DCLK1: variants seen among roughly 807,000 people sequenced by gnomAD.
DCLK1 encodes the protein serine/threonine-protein kinase DCLK1.
A neutral mutation model predicts 86.2 loss-of-function variants in DCLK1; 16 were observed. The ratio of observed to expected loss-of-function variants is 0.19; its 90% confidence interval spans 0.13 to 0.28. The LOEUF is 0.28. Among genes scored for constraint, DCLK1 ranks in the 10% least tolerant of loss-of-function variants. The pLI, the probability that DCLK1 is intolerant of heterozygous loss-of-function variation, is 1.00. For synonymous variants in DCLK1, 369 were observed against 370.5 expected (o/e 1.00, Z 0.05); for missense variants, 590 against 940.2 (o/e 0.63, Z 4.87).
chr13:35,803,105 A>AAAC (rs1293923356), intron 15 of DCLK1, among the ~76,000 whole-genome samples: 3 of 152,198 alleles, frequency 2.0e-5, no homozygotes, highest in Non-Finnish European at 4.4e-5. Flanking sequence ...TGGGACTTTA[A>AAAC]AACACCTGGG....
At chr13:35,817,882 T>C (rs1724220069) in intron 11 of DCLK1, among the ~76,000 whole-genome samples, 2 of 152,230 alleles carry the variant, frequency 1.3e-5, no homozygotes, top group Admixed American at 1.3e-4. Flanking sequence ...ATTCCATTAC[T>C]GTTTCTGAAA....
Position 35,774,472 on chromosome 13 carries a change from T to C in DCLK1, c.*63A>G, listed in dbSNP as rs950937477. The C allele has an allele frequency of 2.1e-5, 32 of 1,535,296 alleles. No individual in the cohort carries two copies. In the Admixed American group the frequency reaches 5.5e-4, roughly 26 times the overall value. On this transcript the variant is annotated 3_prime_UTR_variant, in exon 17 of 17. Transcript: ENST00000360631. ...TCAGATGAAACTGTTTTACACAAATTTGGGGGAAAAAAATCTCAGAGTCTC... is the reference window on the plus strand; with the variant it reads ...TCAGATGAAACTGTTTTACACAAATCTGGGGGAAAAAAATCTCAGAGTCTC...
chr13:35,788,372 T>A, intron 16 of DCLK1: 4 of 1,170,802 alleles, frequency 3.4e-6, no homozygotes, highest in Non-Finnish European at 5.1e-6. Context: ...TCATTGATTC[T>A]ATATGTATAT....
At chr13:35,853,417 GAAGA>G (rs1870800023) in intron 6 of DCLK1, among the ~76,000 whole-genome samples, 1 of 152,152 alleles carries the variant, frequency 6.6e-6, no homozygotes, top group African/African-American at 2.4e-5. Context: ...GTGAATCAGT[GAAGA>G]AAGATAACCA....
At chr13:36,125,054 G>A (rs954035594) in intron 2 of DCLK1, among the ~76,000 whole-genome samples, 7 of 152,186 alleles carry the variant, frequency 4.6e-5, no homozygotes, top group East Asian at 1.9e-4. Flanking sequence ...TGCATCCGTG[G>A]ACGCAAACAG....
intron 15 of DCLK1, among the ~76,000 whole-genome samples, chr13:35,800,740 CAG>C (rs757865199): frequency 2.6e-5 from 4 of 152,000 alleles, no homozygotes; most frequent in Non-Finnish European, 4.4e-5. Flanking sequence ...TTTTTTGAGA[CAG>C]AGTCTCCCTC....
At chr13:35,802,875 C>T (rs1044365842) in intron 15 of DCLK1, among the ~76,000 whole-genome samples, 4 of 152,158 alleles carry the variant, frequency 2.6e-5, no homozygotes, top group Non-Finnish European at 5.9e-5. Flanking sequence ...CAGTCAGAAC[C>T]AACCACTGCC....
chr13:36,001,394 A>G (rs887958113), intron 3 of DCLK1, among the ~76,000 whole-genome samples: 4 of 152,170 alleles, frequency 2.6e-5, no homozygotes, highest in African/African-American at 7.2e-5. Context: ...CCAGCTGCCT[A>G]TGGGTTCCAG....
intron 16 of DCLK1, among the ~76,000 whole-genome samples, chr13:35,775,430 T>C (rs2086407666): frequency 6.6e-6 from 1 of 152,214 alleles, no homozygotes; most frequent in Non-Finnish European, 1.5e-5. Context: ...CCAGTCTCTA[T>C]GCCTCAATTT....
chr13:36,110,407 G>C (rs1390196660), intron 3 of DCLK1, among the ~76,000 whole-genome samples: 1 of 152,094 alleles, frequency 6.6e-6, no homozygotes, highest in Non-Finnish European at 1.5e-5. Flanking sequence ...TAGGGCAAGG[G>C]TTATAAGCCA....
chr13:36,074,320 G>A (rs1409900199), intron 3 of DCLK1, among the ~76,000 whole-genome samples: 2 of 151,880 alleles, frequency 1.3e-5, no homozygotes, highest in Non-Finnish European at 2.9e-5. Context: ...GGCTAACACA[G>A]TGAAACCCCA....
At chr13:36,058,723 C>A (rs566874950) in intron 3 of DCLK1, among the ~76,000 whole-genome samples, 3 of 152,210 alleles carry the variant, frequency 2.0e-5, no homozygotes, top group Admixed American at 6.5e-5. Flanking sequence ...AGAATGAAGA[C>A]CCCCACTGAT....
chr13:36,037,856 A>G (rs932956373), intron 3 of DCLK1, among the ~76,000 whole-genome samples: 3 of 152,188 alleles, frequency 2.0e-5, no homozygotes, highest in African/African-American at 7.2e-5. Context: ...TATCAATTAA[A>G]AAAAGAAAAT....
chr13:35,807,213 ATAT>A (rs2153102251), intron 14 of DCLK1, among the ~76,000 whole-genome samples: 1 of 152,324 alleles, frequency 6.6e-6, no homozygotes, highest in South Asian at 2.1e-4. Context: ...TTTATCATAA[ATAT>A]TATTTAATGT....
intron 3 of DCLK1, among the ~76,000 whole-genome samples, chr13:36,086,572 T>C (rs776084829): frequency 2.0e-5 from 3 of 151,664 alleles, no homozygotes; most frequent in African/African-American, 2.4e-5. Flanking sequence ...GTCATCTAGG[T>C]TTTAAGCCCC....
intron 15 of DCLK1, chr13:35,805,488 G>C: frequency 2.2e-6 from 1 of 464,540 alleles, no homozygotes; most frequent in Non-Finnish European, 3.8e-6. Context: ...TGGTAGAGAT[G>C]GGGTTTTGCC....
intron 4 of DCLK1, among the ~76,000 whole-genome samples, chr13:35,901,149 G>A (rs985794576): frequency 2.6e-5 from 4 of 151,948 alleles, no homozygotes; most frequent in African/African-American, 9.7e-5. Context: ...ATTCAAATAG[G>A]GAGATAAAAA....
chr13:35,855,516 T>C (rs1870983207), intron 5 of DCLK1: 2 of 1,607,366 alleles, frequency 1.2e-6, no homozygotes, highest in Non-Finnish European at 8.5e-7. Flanking sequence ...TTACCTTCTA[T>C]GAGTTCTAAC....
rs534787836 is a variant in DCLK1, at chr13:35,984,815, T to C, written c.724-37358A>G. On this transcript the variant is annotated intron_variant, in intron 3 of 16. Coordinates refer to ENST00000360631, the MANE Select transcript of DCLK1 (RefSeq NM_001330071.2). ...CTTCTGTACCAGCGAATGTTCCCTC[T>C]GCCTATCTCCCCAACCCCTTCCCCG... Among the ~76,000 whole-genome samples, 5 of 152,248 alleles carry C rather than the reference T, an allele frequency of 3.3e-5. No individual in the cohort carries two copies. In the South Asian group the frequency reaches 8.3e-4, roughly 25 times the overall value.
Sources: gnomAD v4.1 joint callset for allele counts (sites outside exome capture counted in the v4.1 genomes callset) on GRCh38, gnomAD v4.1.1 for gene constraint, MANE v1.5 for transcripts, NCBI Gene and HGNC (gene_info 2026-07-23, HGNC 2026-07-21) for gene names.